Variants in GNAI2 observed in about 807,000 individuals in gnomAD.
GNAI2 encodes guanine nucleotide-binding protein G(i) subunit alpha-2.
In GNAI2, 4 loss-of-function variants were observed where a neutral mutation model predicts 36.8. The observed-to-expected ratio is 0.11, with a 90% CI of 0.05 to 0.25. The LOEUF (loss-of-function observed/expected upper bound fraction) is 0.25, where lower values mean the gene tolerates loss of function less well. Among genes scored for constraint, GNAI2 ranks in the 10% least tolerant of loss-of-function variants. The pLI, the probability that GNAI2 is intolerant of heterozygous loss-of-function variation, is 1.00. For missense variants in GNAI2, 230 were observed against 481.3 expected (o/e 0.48, Z 4.89); for synonymous variants, 194 against 194.1 (o/e 1.00, Z 0.01).
chr3:50,249,208 C>T (rs1700490857), intron 1 of GNAI2, among the ~76,000 whole-genome samples: 2 of 152,288 alleles, frequency 1.3e-5, no homozygotes, highest in South Asian at 4.1e-4. Context: ...ACTTCGCATC[C>T]TTGGCCTCTG....
chr3:50,253,030 G>T lies in GNAI2; in HGVS notation c.310G>T (p.Ala104Ser). Reference protein sequence around the residue: ...DFADPSRADDARQLFALSCTA... With the variant: ...DFADPSRADDSRQLFALSCTA... Reference sequence around the variant, plus strand: ...CACCCGCCACTGTGCCCAGGACGACGCCAGGCAGCTATTTGCACTGTCCTG... The same window carrying T: ...CACCCGCCACTGTGCCCAGGACGACTCCAGGCAGCTATTTGCACTGTCCTG... The change falls in exon 4 of 9, where the codon GCC becomes TCC. Residue 104 changes from alanine to serine, a missense_variant. Ala to Ser is a moderately conservative substitution (Grantham distance 99, BLOSUM62 1). Coordinates refer to ENST00000313601, the MANE Select transcript of GNAI2 (RefSeq NM_002070.4). This position sits in a 1 kb window ranked among gnomAD's most constrained non-coding sequence, Gnocchi z 4.2. The T allele has an allele frequency of 1.3e-6, 2 of 1,584,340 alleles. No homozygotes were observed. The highest frequency in any genetic ancestry group is 8.6e-7 in the Non-Finnish European group (1 of 1,157,108).
rs782183459 is a variant in GNAI2 at position 50,253,026 on chromosome 3, C to T, written c.306C>T (p.Asp102=). The T allele has an allele frequency of 2.6e-5, 41 of 1,581,384 alleles. No homozygotes were observed. Among genetic ancestry groups the T allele is most frequent in the East Asian group, 1.6e-4 (7 of 44,050 alleles). The part of the protein sequence containing the change: ...QIDFADPSRA[D]DARQLFALSC... ...TGACCACCCGCCACTGTGCCCAGGA[C>T]GACGCCAGGCAGCTATTTGCACTGT... Residue 102 remains aspartate, a splice_region_variant and synonymous_variant, in exon 4 of 9, where the codon GAC becomes GAT. Coordinates refer to ENST00000313601, the MANE Select transcript of GNAI2 (RefSeq NM_002070.4). This position sits in a 1 kb window ranked among gnomAD's most constrained non-coding sequence, Gnocchi z 4.2.
chr3:50,252,282 C>T lies in GNAI2; in HGVS notation c.162-115C>T. The T allele has an allele frequency of 7.2e-7, 1 of 1,385,802 alleles. No homozygotes were observed. The highest frequency in any genetic ancestry group is 1.2e-5 in the South Asian group (1 of 83,900). The allele number at this position is 1,385,802 out of a possible 1,614,324, so 85.8% of individuals were successfully genotyped here. A position where few individuals can be genotyped will look rare whatever the true frequency, so the allele number is the denominator to read the frequency against. On this transcript the variant is annotated intron_variant, in intron 2 of 8. Transcript: ENST00000313601. The surrounding 1 kb of genome is among the most constrained non-coding windows in gnomAD (Gnocchi z 4.1). ...CTGAGAAGCAGAAGGACCCTCAGGTCCCAGTGGGTCAGGGGCAGTTTTCCC... is the reference window on the plus strand; with the variant it reads ...CTGAGAAGCAGAAGGACCCTCAGGTTCCAGTGGGTCAGGGGCAGTTTTCCC...
chr3:50,256,889 G>A (rs782593767), intron 6 of GNAI2, 37 bp downstream of exon 6: 9 of 1,613,548 alleles, frequency 5.6e-6, no homozygotes, highest in African/African-American at 5.3e-5. Flanking sequence ...TGGGGGCAGC[G>A]GGCTTGGGGA....
chr3:50,241,020 G>A lies in GNAI2; in HGVS notation c.118+4567G>A, dbSNP rs587676750. Among the ~76,000 whole-genome samples the A allele has an allele frequency of 1.2e-3, 189 of 152,232 alleles. 1 individual carries two copies. The highest frequency in any genetic ancestry group is 6.8e-3 in the Middle Eastern group (2 of 292). The stretch of plus-strand genomic sequence containing the variant: ...CCCATCCTAGAGGCTGCCTGGCCTG[G>A]GTTTGGAGCCCTAGGGAACCCCCTC... On this transcript the variant is annotated intron_variant, in intron 1 of 8. Transcript: ENST00000313601. The surrounding 1 kb of genome is among the most constrained non-coding windows in gnomAD (Gnocchi z 5.0).
chr3:50,243,932 G>A (rs1007457414), intron 1 of GNAI2, among the ~76,000 whole-genome samples: 2 of 152,090 alleles, frequency 1.3e-5, no homozygotes, highest in African/African-American at 2.4e-5. Flanking sequence ...TTTAGGAGGC[G>A]GAAAGGGAGC....
chr3:50,252,310 C>A lies in GNAI2; in HGVS notation c.162-87C>A. The A allele has an allele frequency of 6.7e-7, 1 of 1,497,520 alleles. No individual in the cohort carries two copies. The highest frequency in any genetic ancestry group is 9.3e-7 in the Non-Finnish European group (1 of 1,079,264). The allele number at this position is 1,497,520 out of a possible 1,614,324, so 92.8% of individuals were successfully genotyped here. On this transcript the variant is annotated intron_variant, in intron 2 of 8. Transcript: ENST00000313601. The surrounding 1 kb of genome is among the most constrained non-coding windows in gnomAD (Gnocchi z 4.1). ...AGTGGGTCAGGGGCAGTTTTCCCTT[C>A]TCTGAAGCAGGTCCCAGTAGCCCCA...
chr3:50,230,870 A>C (rs1553699729), exon 1 of GNAI2: 1 of 984,750 alleles, frequency 1.0e-6, no homozygotes, highest in African/African-American at 1.8e-5. Context: ...CCCAAAATGA[A>C]CTCTCCTGAA....
upstream of GNAI2, among the ~76,000 whole-genome samples, chr3:50,231,401 C>G (rs587604628): frequency 6.6e-6 from 1 of 152,274 alleles, no homozygotes; most frequent in East Asian, 1.9e-4. Context: ...GCCTCAGCCT[C>G]GCAAGTAGCC....
At chr3:50,248,400 TG>T (rs1236097663) in intron 1 of GNAI2, among the ~76,000 whole-genome samples, 3 of 152,288 alleles carry the variant, frequency 2.0e-5, no homozygotes, top group Admixed American at 2.0e-4. Flanking sequence ...CAGCCAGAGA[TG>T]GGGAGAGTGA....
chr3:50,253,126 G>A lies in GNAI2; in HGVS notation c.406G>A (p.Gly136Ser). 1 of 1,613,754 alleles carries A rather than the reference G, an allele frequency of 6.2e-7. No homozygotes were observed. The highest frequency in any genetic ancestry group is 8.5e-7 in the Non-Finnish European group (1 of 1,179,854). The change falls in exon 4 of 9, where the codon GGT (glycine) becomes AGT (serine). Residue 136 changes from glycine to serine, a missense_variant. Coordinates refer to ENST00000313601, the MANE Select transcript of GNAI2 (RefSeq NM_002070.4). The surrounding 1 kb of genome is among the most constrained non-coding windows in gnomAD (Gnocchi z 4.2). ...GVIRRLWADH[G>S]VQACFGRSRE... ...CATCCGGAGGCTCTGGGCTGACCAT[G>A]GTGTGCAGGCCTGCTTTGGCCGCTC... is the stretch of plus-strand genomic sequence containing the variant.
At position 50,236,501 on chromosome 3, in the gene GNAI2, C is replaced by T. The variant is rs1553700423; in HGVS notation, c.118+48C>T. 3 of 1,554,558 alleles carry T rather than the reference C, an allele frequency of 1.9e-6. No individual in the cohort carries two copies. Among genetic ancestry groups the T allele is most frequent in the Non-Finnish European group, 1.7e-6 (2 of 1,155,740 alleles). Reference sequence around the variant, plus strand: ...GATCCTTGATTCCCAGCTCGAATCCCCAGACAAGGACTTTGACCTCCCAGA... The same window carrying T: ...GATCCTTGATTCCCAGCTCGAATCCTCAGACAAGGACTTTGACCTCCCAGA... On this transcript the variant is annotated intron_variant, in intron 1 of 8. Coordinates refer to ENST00000313601, the MANE Select transcript of GNAI2 (RefSeq NM_002070.4). This position sits in a 1 kb window ranked among gnomAD's most constrained non-coding sequence, Gnocchi z 4.0.
chr3:50,228,386 T>C (rs965980595), upstream of GNAI2, among the ~76,000 whole-genome samples: 1 of 152,034 alleles, frequency 6.6e-6, no homozygotes, highest in Non-Finnish European at 1.5e-5. Context: ...ACCCCGTCTC[T>C]ACCAAAAATA....
At chr3:50,237,703 A>C (rs1450582308) in intron 1 of GNAI2, among the ~76,000 whole-genome samples, 1 of 148,430 alleles carries the variant, frequency 6.7e-6, no homozygotes, top group South Asian at 2.1e-4. Flanking sequence ...GGCTGTCCCC[A>C]TCCAGCTTCC....
At chr3:50,237,806 C>CTT (rs1700212715) in intron 1 of GNAI2, among the ~76,000 whole-genome samples, 1 of 152,088 alleles carries the variant, frequency 6.6e-6, no homozygotes, top group Non-Finnish European at 1.5e-5. Flanking sequence ...CAGCGCAGCA[C>CTT]CGTTGTAGGC....
At chr3:50,237,793 C>T (rs2109182897) in intron 1 of GNAI2, among the ~76,000 whole-genome samples, 1 of 152,096 alleles carries the variant, frequency 6.6e-6, no homozygotes. Flanking sequence ...GAGGCCCTTG[C>T]AACAGCGCAG....
chr3:50,231,239 G>A (rs933703566), upstream of GNAI2, among the ~76,000 whole-genome samples: 1 of 152,300 alleles, frequency 6.6e-6, no homozygotes, highest in Admixed American at 6.5e-5. Context: ...TTTCCAGAGG[G>A]GCAGCAGCTC....
intron 1 of GNAI2, chr3:50,246,873 C>T (rs1279255008): frequency 4.9e-6 from 7 of 1,428,142 alleles, no homozygotes; most frequent in East Asian, 2.5e-5. Flanking sequence ...GACGACACAG[C>T]GGAAAGCCAA....
exon 1 of GNAI2, chr3:50,230,863 A>G: frequency 1.0e-6 from 1 of 985,534 alleles, no homozygotes; most frequent in East Asian, 1.1e-4. Context: ...CTCTGCCCCC[A>G]AAATGAACTC....
Sources: gnomAD v4.1 joint callset for allele counts (sites outside exome capture counted in the v4.1 genomes callset) on GRCh38, gnomAD v4.1.1 for gene constraint, Gnocchi (gnomAD v3.1) non-coding constraint, MANE v1.5 for transcripts, NCBI Gene and HGNC (gene_info 2026-07-23, HGNC 2026-07-21) for gene names.